FGF14: variants seen among roughly 807,000 people sequenced by gnomAD.
FGF14 encodes the protein fibroblast growth factor homologous factor 4.
Under a neutral mutation model 25.5 loss-of-function variants are expected in FGF14, and 5 were observed. That is an observed-to-expected ratio of 0.20 (90% CI 0.10 to 0.41). The LOEUF is 0.41. Among genes scored for constraint, FGF14 ranks in the 10% least tolerant of loss-of-function variants. FGF14 has a pLI of 1.00. For missense variants in FGF14, 222 were observed against 320.1 expected (o/e 0.69, Z 2.34); for synonymous variants, 138 against 118.3 (o/e 1.17, Z -1.08).
Position 101,711,177 on chromosome 13 carries a change from T to C in FGF14, c.*11654A>G, listed in dbSNP as rs2034448077. 6.6e-6 allele frequency: 1 copy of C among 152,226 alleles called. No individual in the cohort carries two copies. The highest frequency in any genetic ancestry group is 2.4e-5 in the African/African-American group (1 of 41,456). The allele number at this position is 152,226 out of a possible 1,614,324, so 9.4% of individuals were successfully genotyped here. On this transcript the variant is annotated 3_prime_UTR_variant, in exon 5 of 5. Transcript: ENST00000376143. The stretch of plus-strand genomic sequence containing the variant: ...TTGTTTTGTTCATTTGGGGATTTAT[T>C]TGGCTTCAAGACTACACAATTATAT...
At chr13:101,875,081 T>C (rs1291234516) in intron 2 of FGF14, 105 bp downstream of exon 2, 5 of 797,592 alleles carry the variant, frequency 6.3e-6, no homozygotes, top group African/African-American at 1.7e-5. Context: ...TTTGTAAAGA[T>C]GAACCAACAC....
chr13:101,936,985 A>G (rs1328596824), intron 1 of FGF14, among the ~76,000 whole-genome samples: 4 of 152,232 alleles, frequency 2.6e-5, no homozygotes, highest in Non-Finnish European at 1.5e-5. Flanking sequence ...TTGAAACACC[A>G]GTGGAATGAA....
intron 3 of FGF14, among the ~76,000 whole-genome samples, chr13:101,806,740 A>G (rs1034303214): frequency 2.0e-5 from 3 of 152,154 alleles, no homozygotes; most frequent in Non-Finnish European, 2.9e-5. Flanking sequence ...AAATAAAACT[A>G]GCTGGATTTT....
chr13:102,093,970 T>C (rs532657976), intron 1 of FGF14, among the ~76,000 whole-genome samples: 1 of 149,988 alleles, frequency 6.7e-6, no homozygotes, highest in South Asian at 2.1e-4. Flanking sequence ...AGAATTGCTA[T>C]AAGAAAGGCA....
intron 1 of FGF14, among the ~76,000 whole-genome samples, chr13:102,351,777 G>C (rs1476781112): frequency 6.6e-6 from 1 of 152,220 alleles, no homozygotes; most frequent in Admixed American, 6.5e-5. Context: ...CCAGGGTGAG[G>C]GATCCAGGAG....
chr13:101,752,852 T>C (rs1009299377), intron 3 of FGF14, among the ~76,000 whole-genome samples: 1 of 152,200 alleles, frequency 6.6e-6, no homozygotes, highest in Non-Finnish European at 1.5e-5. Flanking sequence ...AATGGCTATC[T>C]TTTTGGAAAA....
At chr13:101,890,877 C>CT (rs996236698) in intron 1 of FGF14, among the ~76,000 whole-genome samples, 2 of 152,032 alleles carry the variant, frequency 1.3e-5, no homozygotes, top group African/African-American at 2.4e-5. Flanking sequence ...GCCAGTTACC[C>CT]TCTCACCAGC....
At chr13:101,912,350 A>C (rs2033034692) in intron 1 of FGF14, among the ~76,000 whole-genome samples, 1 of 152,214 alleles carries the variant, frequency 6.6e-6, no homozygotes, top group Non-Finnish European at 1.5e-5. Flanking sequence ...GCCCCAAAAA[A>C]GTAAATCTCA....
intron 1 of FGF14, among the ~76,000 whole-genome samples, chr13:102,149,756 G>A (rs1258723801): frequency 6.6e-6 from 1 of 152,200 alleles, no homozygotes; most frequent in Non-Finnish European, 1.5e-5. Context: ...AGCAAGAGCA[G>A]CCCAGGGCAG....
At chr13:102,133,473 G>A (rs991195869) in intron 1 of FGF14, among the ~76,000 whole-genome samples, 14 of 152,158 alleles carry the variant, frequency 9.2e-5, no homozygotes, top group African/African-American at 3.4e-4. Flanking sequence ...ATAGAAGTGT[G>A]TATATGTATC....
At chr13:102,332,192 TTTTTA>T (rs2056653540) in intron 1 of FGF14, among the ~76,000 whole-genome samples, 1 of 152,170 alleles carries the variant, frequency 6.6e-6, no homozygotes, top group African/African-American at 2.4e-5. Context: ...TTTTAAAGTT[TTTTTA>T]AAGACTCCCA....
chr13:102,102,493 G>C (rs2044708150), intron 1 of FGF14, among the ~76,000 whole-genome samples: 1 of 152,190 alleles, frequency 6.6e-6, no homozygotes, highest in South Asian at 2.1e-4. Context: ...TGGGGAGTAG[G>C]AGCTTTTGCC....
chr13:102,075,327 C>CA (rs952884108), intron 1 of FGF14, among the ~76,000 whole-genome samples: 2 of 152,220 alleles, frequency 1.3e-5, no homozygotes, highest in African/African-American at 2.4e-5. Flanking sequence ...ACAATAGCTA[C>CA]AAAAAACTTA....
rs1189091816 is a variant in FGF14 at position 101,867,936 on chromosome 13, GCGCACA to G, written c.408+783_408+788del. On this transcript the variant is annotated intron_variant, in intron 3 of 4. Transcript: ENST00000376143. ...CACACACACACACACACACACACAC[GCGCACA>G]CACACAATATGTGTATATTTATCTA... is the stretch of plus-strand genomic sequence containing the variant. Among the ~76,000 whole-genome samples the G allele has an allele frequency of 8.3e-5, 8 of 96,382 alleles. No individual in the cohort carries two copies. In the Admixed American group the frequency reaches 8.6e-4, roughly 10 times the overall value. The allele number at this position is 96,382 out of a possible 152,430, so 63.2% of individuals were successfully genotyped here. A position where few individuals can be genotyped will look rare whatever the true frequency, so the allele number is the denominator to read the frequency against.
At chr13:102,218,187 C>G (rs1481146512) in intron 1 of FGF14, among the ~76,000 whole-genome samples, 1 of 152,032 alleles carries the variant, frequency 6.6e-6, no homozygotes, top group African/African-American at 2.4e-5. Context: ...GATCTTTCAT[C>G]AAATCCGTAT....
chr13:102,381,340 A>G (rs1441780653), intron 1 of FGF14, among the ~76,000 whole-genome samples: 1 of 152,208 alleles, frequency 6.6e-6, no homozygotes, highest in Non-Finnish European at 1.5e-5. Flanking sequence ...TGCAATTAAT[A>G]TTAAGAGGTG....
chr13:101,979,805 A>G (rs1406262003), intron 1 of FGF14, among the ~76,000 whole-genome samples: 1 of 152,234 alleles, frequency 6.6e-6, no homozygotes, highest in Non-Finnish European at 1.5e-5. Flanking sequence ...TTATACGAGG[A>G]AAAGAAAATG....
intron 3 of FGF14, among the ~76,000 whole-genome samples, chr13:101,808,439 C>T (rs1446004700): frequency 2.0e-5 from 3 of 151,994 alleles, no homozygotes; most frequent in Non-Finnish European, 4.4e-5. Context: ...TTATATTATG[C>T]TCAATTTTAA....
intron 1 of FGF14, among the ~76,000 whole-genome samples, chr13:101,908,026 T>G (rs2032460692): frequency 6.6e-6 from 1 of 152,188 alleles, no homozygotes; most frequent in African/African-American, 2.4e-5. Flanking sequence ...TTATTTCTAC[T>G]TTCTCAGACA....
Sources: gnomAD v4.1 joint callset for allele counts (sites outside exome capture counted in the v4.1 genomes callset) on GRCh38, gnomAD v4.1.1 for gene constraint, MANE v1.5 for transcripts, NCBI Gene and HGNC (gene_info 2026-07-23, HGNC 2026-07-21) for gene names.